IPO7: variants seen among roughly 807,000 people sequenced by gnomAD.
IPO7 encodes importin-7.
Under a neutral mutation model 136.4 loss-of-function variants are expected in IPO7, and 13 were observed. The observed-to-expected ratio is 0.10, with a 90% confidence interval of 0.06 to 0.15. IPO7 has a LOEUF of 0.15. IPO7 is among the 10% of genes least tolerant of loss of function. The pLI is 1.00. For synonymous variants in IPO7, 403 were observed against 404.4 expected (o/e 1.00, Z 0.04); for missense variants, 857 against 1,240.6 (o/e 0.69, Z 4.65).
chr11:9,392,346 T>C (rs1256866070), intron 1 of IPO7: 2 of 277,134 alleles, frequency 7.2e-6, no homozygotes, highest in Non-Finnish European at 1.4e-5. Flanking sequence ...TCCGGCTAAT[T>C]TTGTATTTTT....
At chr11:9,406,061 T>C (rs1212468609) in intron 2 of IPO7, among the ~76,000 whole-genome samples, 1 of 151,762 alleles carries the variant, frequency 6.6e-6, no homozygotes, top group Admixed American at 6.6e-5. Context: ...TCTAATTATT[T>C]TATTTTGTAG....
Position 9,420,491 on chromosome 11 carries a change from A to G in IPO7, c.807A>G (p.Ala269=), listed in dbSNP as rs1483103754. ...KCKKWALHIL[A]RLFERYGSPG... is the part of the protein sequence containing the mutation. ...AGAAGTGGGCCTTACATATTTTAGCAAGACTTTTTGAAAGGTAATCTCATC... is the reference window on the plus strand; with the variant it reads ...AGAAGTGGGCCTTACATATTTTAGCGAGACTTTTTGAAAGGTAATCTCATC... Residue 269 remains alanine, a synonymous_variant, in exon 7 of 25, where the codon GCA becomes GCG. Transcript: ENST00000379719. 10 of 1,611,016 alleles carry G rather than the reference A, an allele frequency of 6.2e-6. No homozygotes were observed. The highest frequency in any genetic ancestry group is 8.5e-6 in the Non-Finnish European group (10 of 1,177,614).
At chr11:9,413,760 C>A (rs1033264531) in intron 4 of IPO7, among the ~76,000 whole-genome samples, 8 of 151,542 alleles carry the variant, frequency 5.3e-5, no homozygotes, top group African/African-American at 1.9e-4. Context: ...TGGTTTTGCT[C>A]TAGATATTTT....
At position 9,440,522 on chromosome 11, in the gene IPO7, G is replaced by T; in HGVS notation, c.2763G>T (p.Lys921Asn). 1 of 1,614,078 alleles carries T rather than the reference G, an allele frequency of 6.2e-7. No homozygotes were observed. The highest frequency in any genetic ancestry group is 8.5e-7 in the Non-Finnish European group (1 of 1,179,962). Residue 921 changes from lysine to asparagine, a missense_variant, in exon 23 of 25, where the codon AAG becomes AAT. By Grantham distance (94) the Lys-to-Asn change is moderately conservative (BLOSUM62 0). Coordinates refer to ENST00000379719, the MANE Select transcript of IPO7 (RefSeq NM_006391.3). ...DGQEYLEILA[K>N]QAGEDGDDED... ...AAGAATATTTGGAGATTCTGGCTAA[G>T]CAGGCTGGTGAAGATGGAGATGATG...
At chr11:9,417,378 A>T (rs117575582) in intron 6 of IPO7, among the ~76,000 whole-genome samples, 3 of 152,108 alleles carry the variant, frequency 2.0e-5, no homozygotes, top group South Asian at 2.1e-4. Context: ...TATTGGTTTA[A>T]TTTCTTCTGT....
intron 1 of IPO7, chr11:9,392,239 A>G (rs4910464): frequency 0.98 from 295,913 of 300,876 alleles, 145,691 homozygotes; most frequent in East Asian, 1. Context: ...GTGCAATGGC[A>G]CAATCTCGGC....
intron 16 of IPO7, chr11:9,433,280 C>T (rs1855325744): frequency 3.0e-6 from 1 of 332,570 alleles, no homozygotes; most frequent in Admixed American, 4.6e-5. Flanking sequence ...GCCACCGCGC[C>T]CGGCCAACTC....
intron 1 of IPO7, among the ~76,000 whole-genome samples, chr11:9,389,070 T>C (rs886750631): frequency 2.6e-5 from 4 of 151,962 alleles, no homozygotes; most frequent in Non-Finnish European, 5.9e-5. Flanking sequence ...ATTAGTATTT[T>C]TGTGGCAGGT....
At chr11:9,418,876 A>G (rs1377676843) in intron 6 of IPO7, among the ~76,000 whole-genome samples, 1 of 152,178 alleles carries the variant, frequency 6.6e-6, no homozygotes, top group Non-Finnish European at 1.5e-5. Context: ...TTAGTAAGTA[A>G]TCTTTTGTTC....
At chr11:9,408,702 T>TG (rs772912311) in intron 3 of IPO7, 63 bp downstream of exon 3, 2 of 1,003,912 alleles carry the variant, frequency 2.0e-6, no homozygotes, top group Non-Finnish European at 2.7e-6. Context: ...TTTTGTTTTT[T>TG]GGTTTTTTTT....
In IPO7 at chr11:9,438,047, T is replaced by TG; in HGVS notation, c.2490-33_2490-32insG. On this transcript the variant is annotated intron_variant, in intron 21 of 24. Coordinates refer to ENST00000379719, the MANE Select transcript of IPO7 (RefSeq NM_006391.3). ...TGCTTATTTAAGAAAAGAAAACAGT[T>TG]TTTTTTTTTTTTTTTTTTTTTTTTT... 3.8e-5 allele frequency: 8 copies of TG among 213,218 alleles called. No individual in the cohort carries two copies. In the South Asian group the frequency reaches 3.8e-4, roughly 10 times the overall value. 13.2% of individuals were successfully genotyped at this position (213,218 alleles called of 1,614,324 possible).
intron 23 of IPO7, 107 bp from the exon 24 acceptor site, chr11:9,441,974 C>G (rs1409011242): frequency 9.0e-6 from 5 of 553,616 alleles, no homozygotes; most frequent in South Asian, 8.9e-5. Flanking sequence ...TAAAATAGAT[C>G]AGAATTTCAG....
chr11:9,419,708 A>G (rs1479615090), intron 6 of IPO7, among the ~76,000 whole-genome samples: 1 of 151,062 alleles, frequency 6.6e-6, no homozygotes, highest in African/African-American at 2.4e-5. Context: ...AGGTTCTTGG[A>G]AATTTTTTAC....
At chr11:9,395,457 T>C (rs916399087) in intron 1 of IPO7, among the ~76,000 whole-genome samples, 1 of 152,144 alleles carries the variant, frequency 6.6e-6, no homozygotes, top group Admixed American at 6.6e-5. Flanking sequence ...GCCAGGCTGG[T>C]CTTGAACTCC....
rs781151487 is a variant in IPO7 at position 9,438,077 on chromosome 11, T to TA, written c.2490-2dup. On this transcript the variant is annotated splice_region_variant and splice_polypyrimidine_tract_variant and intron_variant, in intron 21 of 24. Coordinates refer to ENST00000379719, the MANE Select transcript of IPO7 (RefSeq NM_006391.3). ...TTTTTTTTTTTTTTTTTTTTTTTTT[T>TA]AGGCTTCATGACAGAAAGATGTGTG... The TA allele has an allele frequency of 2.1e-5, 25 of 1,201,306 alleles. No homozygotes were observed. The highest frequency in any genetic ancestry group is 2.5e-5 in the Non-Finnish European group (22 of 866,708). 74.4% of individuals were successfully genotyped at this position (1,201,306 alleles called of 1,614,324 possible). A position where few individuals can be genotyped will look rare whatever the true frequency, so the allele number is the denominator to read the frequency against.
rs750134811 is a variant in IPO7, at chr11:9,423,068, A to G, written c.969A>G (p.Gln323=). Residue 323 remains glutamine (Q), a synonymous_variant, in exon 9 of 25, where the codon CAA becomes CAG. Coordinates refer to ENST00000379719, the MANE Select transcript of IPO7 (RefSeq NM_006391.3). ...EKQYMAPRVL[Q]QTLNYINQGV... ...AATATATGGCTCCTCGAGTTTTACA[A>G]CAGACATTAAATTATATTAATCAAG... 3.1e-6 allele frequency: 5 copies of G among 1,596,456 alleles called. No homozygotes were observed. The African/African-American group carries it at 4.0e-5, about 13-fold the overall frequency.
At chr11:9,401,288 T>C (rs752560376) in intron 1 of IPO7, among the ~76,000 whole-genome samples, 7 of 152,098 alleles carry the variant, frequency 4.6e-5, no homozygotes, top group Non-Finnish European at 8.8e-5. Context: ...GGTGGTTATA[T>C]TGGGACAAAG....
Position 9,437,919 on chromosome 11 carries a change from C to A in IPO7, c.2434C>A (p.Pro812Thr). The A allele has an allele frequency of 6.2e-7, 1 of 1,613,852 alleles. No individual in the cohort carries two copies. The highest frequency in any genetic ancestry group is 2.2e-5 in the East Asian group (1 of 44,864). Residue 812 changes from proline (P) to threonine (T), a missense_variant, in exon 21 of 25, where the codon CCA becomes ACA. Pro to Thr is a conservative substitution (Grantham distance 38, BLOSUM62 -1). Transcript: ENST00000379719. ...ENLRFPNNVEPVTNHFITQWL... is the reference protein window; with the variant it reads ...ENLRFPNNVETVTNHFITQWL... ...TCTTCGCTTCCCTAATAATGTTGAA[C>A]CAGTTACAAATCATTTTATTACACA...
intron 1 of IPO7, among the ~76,000 whole-genome samples, chr11:9,390,089 C>T (rs895016330): frequency 2.0e-5 from 3 of 152,102 alleles, no homozygotes; most frequent in Non-Finnish European, 4.4e-5. Context: ...CGGGGTTTCG[C>T]CATGTTGGCC....
Sources: allele counts gnomAD v4.1 joint callset (sites outside exome capture counted in the v4.1 genomes callset), GRCh38; gene constraint gnomAD v4.1.1; transcripts MANE v1.5; gene names NCBI Gene and HGNC (gene_info 2026-07-23, HGNC 2026-07-21).